FNBP1: variants seen among roughly 807,000 people sequenced by gnomAD.
FNBP1 encodes the protein formin-binding protein 1.
Under a neutral mutation model 90.6 loss-of-function variants are expected in FNBP1, and 26 were observed. That is an observed-to-expected ratio of 0.29 (90% confidence interval 0.21 to 0.40). The LOEUF is 0.40. Ranked by LOEUF, FNBP1 falls within the 10% of genes least tolerant of loss-of-function variation. FNBP1 has a pLI of 1.00. For missense variants in FNBP1, 635 were observed against 768.0 expected (o/e 0.83, Z 2.05); for synonymous variants, 260 against 265.2 (o/e 0.98, Z 0.19).
intron 6 of FNBP1, among the ~76,000 whole-genome samples, chr9:129,943,032 T>TA: frequency 6.6e-6 from 1 of 152,290 alleles, no homozygotes; most frequent in East Asian, 1.9e-4. Flanking sequence ...GTTCTCATCT[T>TA]ACTTCTCCAG....
In FNBP1 at chr9:130,043,050, C is replaced by G; in HGVS notation, c.-75G>C. ...GTCCCCCTCCCCGGCGATCCCTTTG[C>G]CCCCCGAGATCCCCGCGACGGCGGA... On this transcript the variant is annotated 5_prime_UTR_variant, in exon 1 of 17. Coordinates refer to ENST00000446176, the MANE Select transcript of FNBP1 (RefSeq NM_015033.3). The G allele has an allele frequency of 8.3e-7, 1 of 1,206,746 alleles. No homozygotes were observed. The highest frequency in any genetic ancestry group is 1.6e-5 in the African/African-American group (1 of 63,678). 74.8% of individuals were successfully genotyped at this position (1,206,746 alleles called of 1,614,324 possible). A position where few individuals can be genotyped will look rare whatever the true frequency, so the allele number is the denominator to read the frequency against.
At chr9:129,983,314 C>T (rs1354424616) in intron 2 of FNBP1, among the ~76,000 whole-genome samples, 1 of 152,138 alleles carries the variant, frequency 6.6e-6, no homozygotes, top group East Asian at 1.9e-4. Context: ...ACAATACTGG[C>T]ATATATAGCA....
intron 1 of FNBP1, among the ~76,000 whole-genome samples, chr9:129,996,401 G>A (rs141553464): frequency 6.6e-6 from 1 of 152,246 alleles, no homozygotes; most frequent in African/African-American, 2.4e-5. Flanking sequence ...GAATTCCAGT[G>A]GAAATGGAAT....
chr9:129,894,952 G>A (rs1202798550), intron 16 of FNBP1, among the ~76,000 whole-genome samples: 15 of 152,102 alleles, frequency 9.9e-5, no homozygotes. Flanking sequence ...CAGCTACTCG[G>A]GAGGCTGAGG....
chr9:129,960,383 CAAAAAAAAAAA>C (rs10715833), intron 4 of FNBP1, among the ~76,000 whole-genome samples: 10 of 80,454 alleles, frequency 1.2e-4, no homozygotes, highest in Admixed American at 3.0e-4. Flanking sequence ...GACTCCATCT[CAAAAAAAAAAA>C]AAAAAAAAAG....
intron 6 of FNBP1, among the ~76,000 whole-genome samples, chr9:129,947,498 G>T (rs915359480): frequency 6.6e-6 from 1 of 151,800 alleles, no homozygotes; most frequent in Non-Finnish European, 1.5e-5. Flanking sequence ...TCAGAGTCAA[G>T]GATCGTGTGA....
At chr9:129,914,603 T>G (rs925224450) in intron 11 of FNBP1, among the ~76,000 whole-genome samples, 1 of 151,870 alleles carries the variant, frequency 6.6e-6, no homozygotes, top group East Asian at 1.9e-4. Context: ...CTTTCCTTCA[T>G]GTAGAGACCT....
chr9:129,948,303 A>T (rs1282732641), intron 6 of FNBP1, among the ~76,000 whole-genome samples: 1 of 150,140 alleles, frequency 6.7e-6, no homozygotes, highest in Non-Finnish European at 1.5e-5. Context: ...ATACCTATTT[A>T]ATTTAATTTA....
chr9:129,907,123 C>T (rs2038244021), intron 12 of FNBP1, among the ~76,000 whole-genome samples: 1 of 151,996 alleles, frequency 6.6e-6, no homozygotes, highest in Non-Finnish European at 1.5e-5. Context: ...GCCCAAAAGC[C>T]AGCCTTGTAA....
At chr9:130,015,359 G>T (rs569260110) in intron 1 of FNBP1, among the ~76,000 whole-genome samples, 1 of 152,180 alleles carries the variant, frequency 6.6e-6, no homozygotes, top group Non-Finnish European at 1.5e-5. Context: ...AAAACCAATA[G>T]GTCTCTGTAT....
intron 6 of FNBP1, among the ~76,000 whole-genome samples, chr9:129,948,298 TATTTA>T (rs926736495): frequency 4.7e-5 from 7 of 149,268 alleles, no homozygotes; most frequent in African/African-American, 1.2e-4. Flanking sequence ...ACAAAATACC[TATTTA>T]ATTTAATTTA....
intron 9 of FNBP1, among the ~76,000 whole-genome samples, chr9:129,924,245 A>G (rs2131889323): frequency 6.6e-6 from 1 of 152,346 alleles, no homozygotes; most frequent in South Asian, 2.1e-4. Flanking sequence ...AGAGCAAGAA[A>G]TATCTGACAA....
Position 129,900,092 on chromosome 9 carries a change from G to A in FNBP1, c.1560C>T (p.Gly520=), listed in dbSNP as rs766054846. ...CCTGACTCTGCTCCTCTGTGTAACT[G>A]CCATCTGGGCTGCTCAAGAAAGGAA... ...NCAQDRESPD[G]SYTEEQSQES... Residue 520 remains glycine, a synonymous_variant, in exon 15 of 17, where the codon GGC becomes GGT. Transcript: ENST00000446176. This position sits in a 1 kb window ranked among gnomAD's most constrained non-coding sequence, Gnocchi z 4.1. The A allele has an allele frequency of 1.2e-6, 2 of 1,606,572 alleles. No homozygotes were observed. The highest frequency in any genetic ancestry group is 1.3e-5 in the African/African-American group (1 of 74,590).
chr9:130,006,245 C>T (rs755010026), intron 1 of FNBP1, among the ~76,000 whole-genome samples: 13 of 152,130 alleles, frequency 8.5e-5, no homozygotes, highest in African/African-American at 1.7e-4. Flanking sequence ...CAGTCTGAGA[C>T]CAGCCTGGCC....
At chr9:130,051,802 T>C in the FNBP1 span, among the ~76,000 whole-genome samples, 1 of 151,844 alleles carries the variant, frequency 6.6e-6, no homozygotes, top group Non-Finnish European at 1.5e-5. Flanking sequence ...ACAGTGTCTC[T>C]GTCTCAAAAA....
At position 129,890,645 on chromosome 9, in the gene FNBP1, CTGGGAGGGGAGGGTAG is replaced by C. The variant is rs1021677737; in HGVS notation, c.1847-115_1847-100del. 2.8e-5 allele frequency: 14 copies of C among 504,214 alleles called. No homozygotes were observed. The highest frequency in any genetic ancestry group is 1.0e-4 in the African/African-American group (5 of 49,046). The allele number at this position is 504,214 out of a possible 1,614,324, so 31.2% of individuals were successfully genotyped here. ...GCTCTTGGCTACAAACTGCACCGCC[CTGGGAGGGGAGGGTAG>C]TGGGAGGGGAGGGATGGGAGGGGGC... is the stretch of plus-strand genomic sequence containing the variant. On this transcript the variant is annotated intron_variant, in intron 16 of 16. Transcript: ENST00000446176. The surrounding 1 kb of genome is among the most constrained non-coding windows in gnomAD (Gnocchi z 5.8).
At chr9:129,986,472 A>T (rs1564507709) in intron 2 of FNBP1, among the ~76,000 whole-genome samples, 1 of 152,106 alleles carries the variant, frequency 6.6e-6, no homozygotes, top group Non-Finnish European at 1.5e-5. Flanking sequence ...AATAACCATA[A>T]TGTGAAAACA....
intron 1 of FNBP1, among the ~76,000 whole-genome samples, chr9:130,027,071 T>TG (rs566597324): frequency 2.0e-5 from 3 of 151,924 alleles, no homozygotes; most frequent in African/African-American, 4.8e-5. Context: ...AAATGAAATT[T>TG]GGGGGGGAAA....
chr9:130,005,588 A>G (rs561574514), intron 1 of FNBP1, among the ~76,000 whole-genome samples: 9 of 152,018 alleles, frequency 5.9e-5, no homozygotes, highest in Non-Finnish European at 1.3e-4. Flanking sequence ...TGATCTGCCC[A>G]CCTCAGCCTC....
Sources: gnomAD v4.1 joint callset for allele counts (sites outside exome capture counted in the v4.1 genomes callset) on GRCh38, gnomAD v4.1.1 for gene constraint, Gnocchi (gnomAD v3.1) non-coding constraint, MANE v1.5 for transcripts, NCBI Gene and HGNC (gene_info 2026-07-23, HGNC 2026-07-21) for gene names.